Variants in RNF216 observed in about 807,000 individuals in gnomAD.
The protein encoded by RNF216 is E3 ubiquitin-protein ligase RNF216.
A neutral mutation model predicts 110.8 loss-of-function variants in RNF216; 72 were observed. The ratio of observed to expected loss-of-function variants is 0.65; its 90% CI spans 0.54 to 0.79. The LOEUF (loss-of-function observed/expected upper bound fraction) is 0.79, where lower values mean the gene tolerates loss of function less well. Ranked by LOEUF, RNF216 falls within the 30% of genes least tolerant of loss-of-function variation. RNF216 has a pLI of 0.00. For synonymous variants in RNF216, 495 were observed against 407.5 expected, an observed-to-expected ratio of 1.21 and a Z score of -2.59; for missense variants, 1,342 against 1,141.2, an observed-to-expected ratio of 1.18 and a Z score of -2.54.
chr7:5,626,613 A>T (rs1396814468), intron 15 of RNF216, among the ~76,000 whole-genome samples: 1 of 151,694 alleles, frequency 6.6e-6, no homozygotes, highest in Non-Finnish European at 1.5e-5. Context: ...GCTACTTGGC[A>T]GTGATCGTGC....
At chr7:5,747,241 C>T (rs1795074545) in intron 3 of RNF216, among the ~76,000 whole-genome samples, 2 of 152,256 alleles carry the variant, frequency 1.3e-5, no homozygotes, top group East Asian at 3.9e-4. Context: ...ATGTCCTAAA[C>T]CTGGGGAAGA....
chr7:5,745,065 A>C (rs896854225), intron 3 of RNF216, among the ~76,000 whole-genome samples: 2 of 152,184 alleles, frequency 1.3e-5, no homozygotes, highest in Non-Finnish European at 2.9e-5. Context: ...TATCATACGT[A>C]CACACAAACC....
In RNF216 at chr7:5,622,887, A is replaced by G. The variant is rs1461150307; in HGVS notation, c.2745T>C (p.Phe915=). Residue 915 remains phenylalanine (F), a synonymous_variant, in exon 17 of 17, where the codon TTT becomes TTC. Transcript: ENST00000389902. ...AGAAGCGATGCCGCGGCTGGGGGCC[A>G]AAGTGCATGGGCAGGTTGTGCTCCA... ...MPLEHNLPMH[F]GPQPRHRF 1.2e-6 allele frequency: 2 copies of G among 1,606,466 alleles called. No individual in the cohort carries two copies. Among genetic ancestry groups the G allele is most frequent in the Admixed American group, 1.7e-5 (1 of 59,850 alleles).
chr7:5,632,145 C>T (rs1327306927), intron 15 of RNF216, among the ~76,000 whole-genome samples: 1 of 152,234 alleles, frequency 6.6e-6, no homozygotes, highest in African/African-American at 2.4e-5. Flanking sequence ...TAGAGGTTCA[C>T]CTGAACCTAT....
intron 1 of RNF216, among the ~76,000 whole-genome samples, chr7:5,770,964 C>T (rs1007601727): frequency 2.0e-5 from 3 of 152,080 alleles, no homozygotes; most frequent in Non-Finnish European, 2.9e-5. Context: ...TGCACCACCA[C>T]GCCCGGCTAA....
chr7:5,736,890 C>CG (rs896582497), intron 5 of RNF216, among the ~76,000 whole-genome samples: 2 of 151,766 alleles, frequency 1.3e-5, no homozygotes, highest in Non-Finnish European at 2.9e-5. Context: ...CCGGCAGCCG[C>CG]CCCGTCCGGG....
intron 13 of RNF216, among the ~76,000 whole-genome samples, chr7:5,691,225 G>C (rs963479236): frequency 6.6e-6 from 1 of 152,186 alleles, no homozygotes; most frequent in East Asian, 1.9e-4. Flanking sequence ...CATGGTGAAG[G>C]GGAGACAAGC....
chr7:5,727,156 C>G (rs927967882), intron 7 of RNF216, among the ~76,000 whole-genome samples: 2 of 152,194 alleles, frequency 1.3e-5, no homozygotes, highest in Non-Finnish European at 2.9e-5. Context: ...GCCTGAAACT[C>G]CTGCTGAAAC....
At chr7:5,740,555 C>T (rs1374769861) in intron 4 of RNF216, among the ~76,000 whole-genome samples, 2 of 152,134 alleles carry the variant, frequency 1.3e-5, no homozygotes, top group Non-Finnish European at 2.9e-5. Context: ...ACTGATGCCA[C>T]TGGAAAATTT....
chr7:5,762,455 A>G (rs1028863218), intron 1 of RNF216, among the ~76,000 whole-genome samples: 1 of 151,968 alleles, frequency 6.6e-6, no homozygotes, highest in African/African-American at 2.4e-5. Flanking sequence ...CAGGAGATTG[A>G]GACCATCCTG....
At chr7:5,727,324 C>G (rs1793821732) in intron 7 of RNF216, among the ~76,000 whole-genome samples, 1 of 152,210 alleles carries the variant, frequency 6.6e-6, no homozygotes, top group Non-Finnish European at 1.5e-5. Flanking sequence ...TTCCAGCTGT[C>G]TCTAATTTGG....
rs928379116 is a variant in RNF216 at position 5,752,963 on chromosome 7, T to G, written c.84A>C (p.Arg28=). ...CHRGQEWINL[R]DGPITISDSS... ...AGTCAGATATGGTGATGGGCCCATC[T>G]CGGAGATTGATCCACTCTACAGGAA... The change falls in exon 3 of 17, where the codon CGA becomes CGC. Residue 28 remains arginine, a synonymous_variant. Transcript: ENST00000389902. The G allele has an allele frequency of 6.2e-7, 1 of 1,611,236 alleles. No individual in the cohort carries two copies. The highest frequency in any genetic ancestry group is 1.7e-5 in the Admixed American group (1 of 59,640).
intron 2 of RNF216, among the ~76,000 whole-genome samples, chr7:5,756,945 A>G (rs888522961): frequency 6.6e-6 from 1 of 152,104 alleles, no homozygotes; most frequent in African/African-American, 2.4e-5. Context: ...TGAGCTTTTT[A>G]CTTCTTGTCT....
At chr7:5,710,275 G>C (rs192198841) in intron 13 of RNF216, among the ~76,000 whole-genome samples, 1 of 152,148 alleles carries the variant, frequency 6.6e-6, no homozygotes, top group East Asian at 1.9e-4. Flanking sequence ...CAGGAGAACT[G>C]CTTGAAGCCA....
chr7:5,767,786 A>G (rs1355630320), intron 1 of RNF216, among the ~76,000 whole-genome samples: 1 of 152,082 alleles, frequency 6.6e-6, no homozygotes, highest in Non-Finnish European at 1.5e-5. Context: ...TTTAGTAAAG[A>G]GGAGACTTTG....
intron 12 of RNF216, 163 bp from the exon 13 acceptor site, chr7:5,712,002 T>C (rs1792731132): frequency 6.5e-6 from 4 of 619,474 alleles, no homozygotes; most frequent in African/African-American, 1.9e-5. Flanking sequence ...ACCTCTTCTT[T>C]GTGCTGGCTC....
chr7:5,624,225 C>A lies in RNF216; in HGVS notation c.2383-100G>T. 1.0e-6 allele frequency: 1 copy of A among 976,212 alleles called. No homozygotes were observed. Among genetic ancestry groups the A allele is most frequent in the Non-Finnish European group, 1.6e-6 (1 of 639,682 alleles). 60.5% of individuals were successfully genotyped at this position (976,212 alleles called of 1,614,324 possible). A position where few individuals can be genotyped will look rare whatever the true frequency, so the allele number is the denominator to read the frequency against. On this transcript the variant is annotated intron_variant, in intron 15 of 16. Coordinates refer to ENST00000389902, the MANE Select transcript of RNF216 (RefSeq NM_207111.4). This position sits in a 1 kb window ranked among gnomAD's most constrained non-coding sequence, Gnocchi z 4.4. ...CCGCTTGTTGCTTATGGCCATGGAA[C>A]AAGCCCGAAGCCTGCTGCTGGCCAG...
intron 13 of RNF216, among the ~76,000 whole-genome samples, chr7:5,669,792 C>T (rs753317229): frequency 6.6e-6 from 1 of 151,918 alleles, no homozygotes; most frequent in Non-Finnish European, 1.5e-5. Context: ...CTCGGGAGGC[C>T]GAGGTAGGAG....
At chr7:5,639,967 G>C (rs1312119548) in intron 15 of RNF216, among the ~76,000 whole-genome samples, 1 of 151,372 alleles carries the variant, frequency 6.6e-6, no homozygotes, top group African/African-American at 2.4e-5. Flanking sequence ...CGCCATGTTA[G>C]CCAGGATGGT....
Sources: gnomAD v4.1 joint callset for allele counts (sites outside exome capture counted in the v4.1 genomes callset) on GRCh38, gnomAD v4.1.1 for gene constraint, Gnocchi (gnomAD v3.1) non-coding constraint, MANE v1.5 for transcripts, NCBI Gene and HGNC (gene_info 2026-07-23, HGNC 2026-07-21) for gene names.